The following PACS1 variants were observed in gnomAD, a reference collection of about 807,000 sequenced individuals.
The protein encoded by PACS1 is phosphofurin acidic cluster sorting protein 1.
In PACS1, 24 loss-of-function variants were observed where a neutral mutation model predicts 115.0. That is an observed-to-expected ratio of 0.21 (90% CI 0.15 to 0.29). The LOEUF is 0.29. Among genes scored for constraint, PACS1 ranks in the 10% least tolerant of loss-of-function variants. The pLI, the probability that PACS1 is intolerant of heterozygous loss-of-function variation, is 1.00. For missense variants in PACS1, 838 were observed against 1,251.2 expected, an observed-to-expected ratio of 0.67 and a Z score of 4.98; for synonymous variants, 453 against 504.5, an observed-to-expected ratio of 0.90 and a Z score of 1.37.
At chr11:66,202,424 C>CA (rs1261172752) in intron 2 of PACS1, among the ~76,000 whole-genome samples, 1 of 151,954 alleles carries the variant, frequency 6.6e-6, no homozygotes, top group Non-Finnish European at 1.5e-5. Context: ...ACCACTGATA[C>CA]AAAAATCATC....
At chr11:66,217,971 C>T (rs1046735921) in intron 7 of PACS1, 23 of 209,294 alleles carry the variant, frequency 1.1e-4, no homozygotes, top group Middle Eastern at 3.3e-3. Context: ...GAGTTCAGTG[C>T]TCCTGCTAAT....
chr11:66,197,886 C>T (rs1024267323), intron 2 of PACS1, among the ~76,000 whole-genome samples: 2 of 152,158 alleles, frequency 1.3e-5, no homozygotes, highest in African/African-American at 4.8e-5. Context: ...TATCACTTTG[C>T]GTCTGGATTT....
At chr11:66,169,145 TA>T (rs1859680745) in intron 1 of PACS1, among the ~76,000 whole-genome samples, 1 of 150,668 alleles carries the variant, frequency 6.6e-6, no homozygotes, top group African/African-American at 2.5e-5. Flanking sequence ...GAGAACATTC[TA>T]ATGTTTCACT....
At chr11:66,128,675 G>A (rs1378807209) in intron 1 of PACS1, among the ~76,000 whole-genome samples, 1 of 152,096 alleles carries the variant, frequency 6.6e-6, no homozygotes, top group Non-Finnish European at 1.5e-5. Flanking sequence ...CCTGAGGTTA[G>A]GAGTTCGAGA....
intron 1 of PACS1, among the ~76,000 whole-genome samples, chr11:66,099,565 G>A (rs1857867047): frequency 6.7e-6 from 1 of 150,020 alleles, no homozygotes; most frequent in Non-Finnish European, 1.5e-5. Context: ...GGGGTTTTGA[G>A]GGCAGGGTCT....
At chr11:66,135,920 GT>G (rs1858831085) in intron 1 of PACS1, among the ~76,000 whole-genome samples, 1 of 151,992 alleles carries the variant, frequency 6.6e-6, no homozygotes, top group Non-Finnish European at 1.5e-5. Flanking sequence ...GCCTCCCAAA[GT>G]GCTGGGATTA....
chr11:66,135,659 C>CTTT (rs35040826), intron 1 of PACS1, among the ~76,000 whole-genome samples: 1 of 138,340 alleles, frequency 7.2e-6, no homozygotes, highest in Non-Finnish European at 1.6e-5. Flanking sequence ...CTCTCCTGCG[C>CTTT]TTTTTTTTTT....
At chr11:66,201,711 G>A (rs982366394) in intron 2 of PACS1, among the ~76,000 whole-genome samples, 17 of 149,680 alleles carry the variant, frequency 1.1e-4, no homozygotes, top group Non-Finnish European at 1.8e-4. Flanking sequence ...CCATGCTGGA[G>A]TACAGTGGTG....
intron 11 of PACS1, among the ~76,000 whole-genome samples, chr11:66,230,096 G>A (rs1855555334): frequency 6.8e-6 from 1 of 147,768 alleles, no homozygotes; most frequent in African/African-American, 2.5e-5. Context: ...GAATCTCAAC[G>A]GAGATGCAGG....
At chr11:66,237,278 T>C (rs976438973) in intron 19 of PACS1, among the ~76,000 whole-genome samples, 27 of 151,130 alleles carry the variant, frequency 1.8e-4, no homozygotes, top group Admixed American at 3.3e-4. Context: ...CCCAGGCTGG[T>C]CTCAAACTCT....
intron 1 of PACS1, among the ~76,000 whole-genome samples, chr11:66,144,393 G>A (rs945259336): frequency 6.6e-6 from 1 of 152,138 alleles, no homozygotes; most frequent in Non-Finnish European, 1.5e-5. Context: ...TCTTGAATTT[G>A]TTATTTGTAC....
chr11:66,223,187 G>A (rs924969684), intron 10 of PACS1, among the ~76,000 whole-genome samples: 1 of 151,848 alleles, frequency 6.6e-6, no homozygotes, highest in African/African-American at 2.4e-5. Context: ...TCACCTCCCG[G>A]GTGCCAGCGA....
intron 1 of PACS1, among the ~76,000 whole-genome samples, chr11:66,165,466 T>C (rs1216045010): frequency 6.6e-6 from 1 of 152,150 alleles, no homozygotes; most frequent in African/African-American, 2.4e-5. Context: ...CCTAAATCTG[T>C]CTCTCTAGGC....
chr11:66,124,773 T>C (rs768423300), intron 1 of PACS1, among the ~76,000 whole-genome samples: 1 of 152,230 alleles, frequency 6.6e-6, no homozygotes, highest in Non-Finnish European at 1.5e-5. Context: ...GCTCAATGAC[T>C]TAAACACACA....
chr11:66,226,973 C>T (rs1424502916), intron 10 of PACS1, among the ~76,000 whole-genome samples: 1 of 152,212 alleles, frequency 6.6e-6, no homozygotes, highest in Non-Finnish European at 1.5e-5. Context: ...AATTAATTTA[C>T]ACCTAAATGG....
At chr11:66,215,668 G>T (rs1278517560) in intron 4 of PACS1, among the ~76,000 whole-genome samples, 1 of 151,972 alleles carries the variant, frequency 6.6e-6, no homozygotes, top group East Asian at 1.9e-4. Context: ...GGAGGCCGAG[G>T]CGGGCAGATC....
chr11:66,150,891 CT>C (rs957858546), intron 1 of PACS1, among the ~76,000 whole-genome samples: 2 of 152,128 alleles, frequency 1.3e-5, no homozygotes, highest in African/African-American at 4.8e-5. Context: ...AAGTTTGTGA[CT>C]TTTTTGCCAG....
chr11:66,159,074 G>C (rs894112377), intron 1 of PACS1, among the ~76,000 whole-genome samples: 1 of 152,164 alleles, frequency 6.6e-6, no homozygotes, highest in African/African-American at 2.4e-5. Context: ...AAGCCTGATG[G>C]AAAAATTTTC....
Position 66,236,175 on chromosome 11 carries a change from G to A in PACS1, c.2250+235G>A, listed in dbSNP as rs556961757. On this transcript the variant is annotated intron_variant, in intron 19 of 23. Coordinates refer to ENST00000320580, the MANE Select transcript of PACS1 (RefSeq NM_018026.4). This position sits in a 1 kb window ranked among gnomAD's most constrained non-coding sequence, Gnocchi z 4.2. Reference sequence around the variant, plus strand: ...CATCCTCCAGTGCACAGGAGGTCCCGCAGCAGAGAATGGCTTGGCCCCAAG... The same window carrying A: ...CATCCTCCAGTGCACAGGAGGTCCCACAGCAGAGAATGGCTTGGCCCCAAG... 9.6e-4 allele frequency among the ~76,000 whole-genome samples: 146 copies of A among 152,278 alleles called. No homozygotes were observed. Among genetic ancestry groups the A allele is most frequent in the African/African-American group, 3.4e-3 (143 of 41,554 alleles).
Sources: gnomAD v4.1 joint callset for allele counts (sites outside exome capture counted in the v4.1 genomes callset) on GRCh38, gnomAD v4.1.1 for gene constraint, Gnocchi (gnomAD v3.1) non-coding constraint, MANE v1.5 for transcripts, NCBI Gene and HGNC (gene_info 2026-07-23, HGNC 2026-07-21) for gene names.